The following NFASC variants were observed in gnomAD, a reference collection of about 807,000 sequenced individuals.
NFASC encodes neurofascin homolog.
In NFASC, 43 loss-of-function variants were observed where a neutral mutation model predicts 147.5. The ratio of observed to expected loss-of-function variants is 0.29; its 90% confidence interval spans 0.23 to 0.38. The LOEUF (loss-of-function observed/expected upper bound fraction) is 0.38. Among genes scored for constraint, NFASC ranks in the 10% least tolerant of loss-of-function variants. The pLI, the probability that NFASC is intolerant of heterozygous loss-of-function variation, is 1.00. For missense variants in NFASC, 1,320 were observed against 1,689.0 expected, an observed-to-expected ratio of 0.78 and a Z score of 3.83; for synonymous variants, 622 against 665.5, an observed-to-expected ratio of 0.93 and a Z score of 1.01.
At chr1:204,943,726 C>A (rs1282852770) in intron 2 of NFASC, among the ~76,000 whole-genome samples, 2 of 152,220 alleles carry the variant, frequency 1.3e-5, no homozygotes, top group Non-Finnish European at 2.9e-5. Context: ...CAAATATGCT[C>A]AACCCCAGGC....
rs563883161 is a variant in NFASC, at chr1:204,838,579, AGACTTTTCG to A, written c.-200+9800_-200+9808del. 4.2e-3 allele frequency among the ~76,000 whole-genome samples: 647 copies of A among 152,320 alleles called. 6 individuals are homozygous for A. The highest frequency in any genetic ancestry group is 3.6e-3 in the Non-Finnish European group (248 of 68,032). On this transcript the variant is annotated intron_variant, in intron 1 of 29. Transcript: ENST00000339876. ...TCTGGGGTCTCAGGGACCTGATCTAAGACTTTTCGGAGCCTGGAACGGGAAAGCGATGTA... is the reference window on the plus strand; with the variant it reads ...TCTGGGGTCTCAGGGACCTGATCTAAGAGCCTGGAACGGGAAAGCGATGTA...
chr1:204,956,954 G>A (rs982306974), intron 7 of NFASC, among the ~76,000 whole-genome samples: 8 of 151,552 alleles, frequency 5.3e-5, no homozygotes, highest in African/African-American at 1.5e-4. Flanking sequence ...AGCCACTCCA[G>A]TTATATCATT....
chr1:204,974,703 G>A lies in NFASC; in HGVS notation c.1438G>A (p.Val480Ile), dbSNP rs2095357198. The change falls in exon 14 of 30, where the codon GTT becomes ATT. Residue 480 changes from valine to isoleucine, a missense_variant. This residue lies in a region of NFASC where 981 missense variants were observed against 1,289.5 expected (regional missense o/e 0.76). Transcript: ENST00000339876. ...CAACCTGGATGGTGGCAACTACCAT[G>A]TTTATGAGAACGGCAGTCTGGAAAT... ...GSNLDGGNYH[V>I]YENGSLEIKM... 1 of 1,614,222 alleles carries A rather than the reference G, an allele frequency of 6.2e-7. No homozygotes were observed. The highest frequency in any genetic ancestry group is 1.3e-5 in the African/African-American group (1 of 75,056).
At chr1:204,953,464 A>T (rs1573649151) in intron 5 of NFASC, among the ~76,000 whole-genome samples, 1 of 152,018 alleles carries the variant, frequency 6.6e-6, no homozygotes. Flanking sequence ...CACCCGGCTA[A>T]TTTTTTGTAT....
intron 3 of NFASC, among the ~76,000 whole-genome samples, chr1:204,950,053 G>T (rs533695745): frequency 6.6e-6 from 1 of 152,368 alleles, no homozygotes; most frequent in South Asian, 2.1e-4. Context: ...AGATGCCAAG[G>T]AGAGAAGGTG....
intron 1 of NFASC, among the ~76,000 whole-genome samples, chr1:204,836,129 T>C (rs1346361042): frequency 6.6e-6 from 1 of 152,162 alleles, no homozygotes; most frequent in Admixed American, 6.5e-5. Flanking sequence ...CTCTGAGTTG[T>C]GTATTGGGAT....
chr1:204,986,185 T>C lies in NFASC; in HGVS notation c.2471-1233T>C, dbSNP rs533428312. The C allele has an allele frequency of 2.5e-6, 3 of 1,194,802 alleles. No homozygotes were observed. In the African/African-American group the frequency reaches 4.5e-5, roughly 18 times the overall value. 74.0% of individuals were successfully genotyped at this position (1,194,802 alleles called of 1,614,324 possible). On this transcript the variant is annotated intron_variant, in intron 21 of 29. Transcript: ENST00000339876. The surrounding 1 kb of genome is among the most constrained non-coding windows in gnomAD (Gnocchi z 4.2). ...GCACACACCTTGGGCCTGGAGAAACTCCAGCGTGGCTCAGCATGGATGGCA... is the reference window on the plus strand; with the variant it reads ...GCACACACCTTGGGCCTGGAGAAACCCCAGCGTGGCTCAGCATGGATGGCA...
At position 204,987,631 on chromosome 1, in the gene NFASC, T is replaced by C. The variant is rs569699703; in HGVS notation, c.2593+91T>C. 23 of 1,490,954 alleles carry C rather than the reference T, an allele frequency of 1.5e-5. No homozygotes were observed. In the African/African-American group the frequency reaches 2.6e-4, roughly 17 times the overall value. 92.4% of individuals were successfully genotyped at this position (1,490,954 alleles called of 1,614,324 possible). A position where few individuals can be genotyped will look rare whatever the true frequency, so the allele number is the denominator to read the frequency against. On this transcript the variant is annotated intron_variant, in intron 22 of 29. Coordinates refer to ENST00000339876, the MANE Select transcript of NFASC (RefSeq NM_001005388.3). The surrounding 1 kb of genome is among the most constrained non-coding windows in gnomAD (Gnocchi z 4.4). ...TCCTAAGGACTCAAGGTAGAAAGCC[T>C]GTGGGTGCAGATGGCATTGTGGAGG...
chr1:204,833,818 C>T (rs1444194923), intron 1 of NFASC, among the ~76,000 whole-genome samples: 1 of 152,208 alleles, frequency 6.6e-6, no homozygotes, highest in Non-Finnish European at 1.5e-5. Flanking sequence ...CCAGACAGAT[C>T]TGCATTCAGA....
chr1:204,937,371 T>C (rs66878326), intron 2 of NFASC, among the ~76,000 whole-genome samples: 21,992 of 152,158 alleles, frequency 0.14, 1,994 homozygotes, highest in African/African-American at 0.26. Context: ...TTTGGACAAA[T>C]GTATTATATA....
intron 5 of NFASC, among the ~76,000 whole-genome samples, 200 bp downstream of exon 5, chr1:204,952,316 C>T (rs1403080716): frequency 1.3e-5 from 2 of 152,172 alleles, no homozygotes; most frequent in African/African-American, 4.8e-5. Context: ...AAACAAGTGG[C>T]TTAAGTTCAC....
intron 1 of NFASC, among the ~76,000 whole-genome samples, chr1:204,852,014 C>T (rs1416739406): frequency 6.6e-6 from 1 of 152,134 alleles, no homozygotes; most frequent in Non-Finnish European, 1.5e-5. Context: ...AATGTGCCCC[C>T]CATGCCCTAG....
At chr1:204,915,141 G>A (rs1444044700) in intron 1 of NFASC, among the ~76,000 whole-genome samples, 4 of 152,196 alleles carry the variant, frequency 2.6e-5, no homozygotes, top group South Asian at 2.1e-4. Flanking sequence ...TTAGCCGGGC[G>A]TGGTGGTGGG....
intron 1 of NFASC, among the ~76,000 whole-genome samples, chr1:204,871,478 C>T (rs747819167): frequency 1.3e-5 from 2 of 152,114 alleles, no homozygotes; most frequent in African/African-American, 2.4e-5. Flanking sequence ...CAGTGTTGTG[C>T]GTCTAATTGT....
intron 1 of NFASC, among the ~76,000 whole-genome samples, chr1:204,908,339 A>ATT (rs1009166837): frequency 6.6e-6 from 1 of 151,464 alleles, no homozygotes; most frequent in African/African-American, 2.4e-5. Context: ...GTGGTAGTAG[A>ATT]TTTTTTTTTC....
chr1:204,979,152 C>A lies in NFASC; in HGVS notation c.1978+83C>A, dbSNP rs2150418515. 8.3e-7 allele frequency: 1 copy of A among 1,210,024 alleles called. No individual in the cohort carries two copies. The highest frequency in any genetic ancestry group is 1.2e-6 in the Non-Finnish European group (1 of 850,254). The allele number at this position is 1,210,024 out of a possible 1,614,324, so 75.0% of individuals were successfully genotyped here. Reference sequence around the variant, plus strand: ...CGAAGGCCTTTCCTGGTTTCCAGCCCCACTTCTGCCTCGCTTGATGTGTGT... The same window carrying A: ...CGAAGGCCTTTCCTGGTTTCCAGCCACACTTCTGCCTCGCTTGATGTGTGT... On this transcript the variant is annotated intron_variant, in intron 18 of 29. Transcript: ENST00000339876. The surrounding 1 kb of genome is among the most constrained non-coding windows in gnomAD (Gnocchi z 6.0).
intron 1 of NFASC, among the ~76,000 whole-genome samples, chr1:204,853,854 C>A (rs950634201): frequency 1.3e-5 from 2 of 152,174 alleles, no homozygotes; most frequent in Admixed American, 1.3e-4. Flanking sequence ...GCTAGGCACA[C>A]CCCTGGGTCT....
At chr1:204,857,670 T>C (rs1005630309) in intron 1 of NFASC, among the ~76,000 whole-genome samples, 1 of 152,152 alleles carries the variant, frequency 6.6e-6, no homozygotes, top group Non-Finnish European at 1.5e-5. Flanking sequence ...TGAAGGGATG[T>C]ACACTGCTAG....
rs894678608 is a variant in NFASC at position 204,970,686 on chromosome 1, T to C, written c.1074T>C (p.Cys358=). 1.9e-6 allele frequency: 3 copies of C among 1,614,196 alleles called. No individual in the cohort carries two copies. Among genetic ancestry groups the C allele is most frequent in the Non-Finnish European group, 2.5e-6 (3 of 1,180,038 alleles). ...LAPGEDGRLV[C]RANGNPKPTV... ...CTGGCGAGGATGGGAGACTGGTGTGTCGAGCCAATGGAAACCCCAAACCCA... is the reference window on the plus strand; with the variant it reads ...CTGGCGAGGATGGGAGACTGGTGTGCCGAGCCAATGGAAACCCCAAACCCA... Residue 358 remains cysteine (C), a synonymous_variant, in exon 11 of 30, where the codon TGT becomes TGC. Transcript: ENST00000339876.
Sources: gnomAD v4.1 joint callset for allele counts (sites outside exome capture counted in the v4.1 genomes callset) on GRCh38, gnomAD v4.1.1 for gene constraint, gnomAD v4.1.1 regional missense constraint, Gnocchi (gnomAD v3.1) non-coding constraint, MANE v1.5 for transcripts, NCBI Gene and HGNC (gene_info 2026-07-23, HGNC 2026-07-21) for gene names.